The following GABRE variants were observed in gnomAD, a reference collection of about 807,000 sequenced individuals.
GABRE encodes gamma-aminobutyric acid type A receptor subunit epsilon.
In GABRE, 20 loss-of-function variants were observed where a neutral mutation model predicts 31.0. The observed-to-expected ratio is 0.64, with a 90% confidence interval of 0.45 to 0.94. The LOEUF (loss-of-function observed/expected upper bound fraction) is 0.94. Ranked by LOEUF, GABRE falls within the 40% of genes least tolerant of loss-of-function variation. The pLI is 0.00. For synonymous variants in GABRE, 155 were observed against 150.6 expected, an observed-to-expected ratio of 1.03 and a Z score of -0.21; for missense variants, 420 against 410.7, an observed-to-expected ratio of 1.02 and a Z score of -0.20.
rs908244906 is a variant in GABRE, at chrX:151,972,507, C to G, written c.56+2063G>C. 3 of 751,595 alleles carry G rather than the reference C, an allele frequency of 4.0e-6. No individual in the cohort carries two copies. In the South Asian group the frequency reaches 2.1e-4, roughly 52 times the overall value. 61.9% of individuals were successfully genotyped at this position (751,595 alleles called of 1,213,427 possible). On this transcript the variant is annotated intron_variant, in intron 1 of 8. Transcript: ENST00000370328. ...ACTGAGCACTGCCAGACAGGACCAC[C>G]TAAACGCCTGAAGCAGCCCCTCCCA...
chrX:151,965,335 C>T (rs1934496954), intron 3 of GABRE, among the ~76,000 whole-genome samples: 1 of 111,600 alleles, frequency 9.0e-6, no homozygotes, highest in Non-Finnish European at 1.9e-5. Context: ...ATTTGGTCTC[C>T]AGATATTGTC....
chrX:151,958,393 C>T (rs1460319614), intron 6 of GABRE: 2 of 258,817 alleles, frequency 7.7e-6, no homozygotes, highest in African/African-American at 5.8e-5. Flanking sequence ...TGCCCCAGGG[C>T]CCAACTGGAA....
chrX:151,964,280 T>G (rs1934465880), intron 3 of GABRE, among the ~76,000 whole-genome samples: 1 of 111,919 alleles, frequency 8.9e-6, no homozygotes, highest in Non-Finnish European at 1.9e-5. Flanking sequence ...AACTGCCCTG[T>G]TTCCAGAGCT....
chrX:151,960,169 G>T (rs1380734535), intron 5 of GABRE, among the ~76,000 whole-genome samples, 193 bp from the exon 6 acceptor site: 1 of 111,904 alleles, frequency 8.9e-6, no homozygotes, highest in East Asian at 2.8e-4. Flanking sequence ...CTCAGTATCA[G>T]GCCCTAGGCC....
intron 3 of GABRE, among the ~76,000 whole-genome samples, chrX:151,966,751 C>T (rs1011155051): frequency 8.9e-6 from 1 of 112,162 alleles, no homozygotes; most frequent in Non-Finnish European, 1.9e-5. Flanking sequence ...TTTAACACCA[C>T]ATGTGAGGGT....
At position 151,974,656 on chromosome X, in the gene GABRE, G is replaced by A. The variant is rs1307884863; in HGVS notation, c.-31C>T. 1.8e-6 allele frequency: 2 copies of A among 1,104,034 alleles called. No homozygotes were observed. The highest frequency in any genetic ancestry group is 2.0e-5 in the South Asian group (1 of 50,196). The allele number at this position is 1,104,034 out of a possible 1,213,427, so 91.0% of individuals were successfully genotyped here. On this transcript the variant is annotated 5_prime_UTR_variant, in exon 1 of 9. Transcript: ENST00000370328. ...CGGAGACCGGCGCGACCACCTGCGC[G>A]GAGGTCGCGGCTCACGCTCTGGCCG...
intron 4 of GABRE, 130 bp downstream of exon 4, chrX:151,962,293 G>A (rs868760482): frequency 1.8e-6 from 1 of 559,836 alleles, no homozygotes; most frequent in Non-Finnish European, 3.0e-6. Flanking sequence ...CTGAGCTCAT[G>A]GTCTAGGAAA....
intron 1 of GABRE, among the ~76,000 whole-genome samples, chrX:151,973,106 T>TGCG (rs1934767937): frequency 4.5e-5 from 5 of 110,996 alleles, no homozygotes; most frequent in African/African-American, 1.6e-4. Context: ...GAGGAAGGAC[T>TGCG]GTGCCCCAAG....
chrX:151,958,348 G>A (rs778860353), intron 6 of GABRE: 110 of 232,892 alleles, frequency 4.7e-4, no homozygotes, highest in Non-Finnish European at 8.2e-4. Context: ...ACCCTTAATC[G>A]CCGAGCACGT....
intron 3 of GABRE, 69 bp downstream of exon 3, chrX:151,969,600 A>C: frequency 9.7e-7 from 1 of 1,035,434 alleles, no homozygotes; most frequent in Middle Eastern, 2.6e-4. Context: ...CAGAAAGCAG[A>C]AGTCTGTGGA....
At chrX:151,968,826 T>C (rs910216790) in intron 3 of GABRE, among the ~76,000 whole-genome samples, 3 of 112,047 alleles carry the variant, frequency 2.7e-5, no homozygotes, top group African/African-American at 9.7e-5. Flanking sequence ...AATGAAATGA[T>C]GTAGGCAAGA....
intron 1 of GABRE, chrX:151,972,714 G>A: frequency 4.5e-6 from 3 of 669,991 alleles, no homozygotes; most frequent in Non-Finnish European, 5.3e-6. Context: ...GCTTTTGCCA[G>A]TTAAAAAAAA....
Position 151,966,195 on chromosome X carries a change from G to A in GABRE, c.342+3474C>T, listed in dbSNP as rs150129987. ...ACTTTTTCCCCAGTTTGACAAAGGA[G>A]CTTGCGATGTACATCCCTTTTAGCT... On this transcript the variant is annotated intron_variant, in intron 3 of 8. Coordinates refer to ENST00000370328, the MANE Select transcript of GABRE (RefSeq NM_004961.4). 8.2e-3 allele frequency among the ~76,000 whole-genome samples: 918 copies of A among 112,611 alleles called. 12 individuals are homozygous for A. Among genetic ancestry groups the A allele is most frequent in the African/African-American group, 0.029 (886 of 31,025 alleles).
intron 4 of GABRE, among the ~76,000 whole-genome samples, 200 bp from the exon 5 acceptor site, chrX:151,961,565 C>T (rs374314087): frequency 9.0e-5 from 10 of 111,462 alleles, no homozygotes; most frequent in African/African-American, 3.3e-4. Context: ...CTCCCAGGCT[C>T]AAGCAATTCT....
At position 151,954,735 on chromosome X, in the gene GABRE, T is replaced by C; in HGVS notation, c.1487A>G (p.Asn496Ser). Residue 496 changes from asparagine to serine, a missense_variant, in exon 9 of 9, where the codon AAT (asparagine) becomes AGT (serine). Coordinates refer to ENST00000370328, the MANE Select transcript of GABRE (RefSeq NM_004961.4). ...VVFPVTFFFFNVLYWLVCLNL is the reference protein window; with the variant it reads ...VVFPVTFFFFSVLYWLVCLNL ...AAGGCAAACAAGCCAGTAGAGCACA[T>C]TGAAGAAGAAGAAAGTCACTGGGAA... 5.0e-6 allele frequency: 6 copies of C among 1,208,338 alleles called. No homozygotes were observed. Among genetic ancestry groups the C allele is most frequent in the South Asian group, 1.8e-5 (1 of 55,975 alleles).
intron 1 of GABRE, among the ~76,000 whole-genome samples, chrX:151,970,769 C>T (rs1934669817): frequency 8.9e-6 from 1 of 112,478 alleles, no homozygotes; most frequent in African/African-American, 3.2e-5. Flanking sequence ...CCAGCACCAA[C>T]CAGGAGTGAG....
chrX:151,953,582 C>T lies in GABRE; in HGVS notation c.*1119G>A, dbSNP rs1027556389. On this transcript the variant is annotated 3_prime_UTR_variant, in exon 9 of 9. Coordinates refer to ENST00000370328, the MANE Select transcript of GABRE (RefSeq NM_004961.4). ...AAGATGTCACAAGGCTATCATGAAGCTCCAATCAGACACAACTTGTCAAAA... is the reference window on the plus strand; with the variant it reads ...AAGATGTCACAAGGCTATCATGAAGTTCCAATCAGACACAACTTGTCAAAA... 13 of 112,478 alleles carry T rather than the reference C, an allele frequency of 1.2e-4. No individual in the cohort carries two copies. The highest frequency in any genetic ancestry group is 4.2e-4 in the African/African-American group (13 of 30,868). The allele number at this position is 112,478 out of a possible 1,213,427, so 9.3% of individuals were successfully genotyped here.
rs1603090021 is a variant in GABRE, at chrX:151,953,679, C to A, written c.*1022G>T. 1.8e-5 allele frequency: 2 copies of A among 112,158 alleles called. No homozygotes were observed. The highest frequency in any genetic ancestry group is 2.8e-4 in the East Asian group (1 of 3,562). 9.2% of individuals were successfully genotyped at this position (112,158 alleles called of 1,213,427 possible). On this transcript the variant is annotated 3_prime_UTR_variant, in exon 9 of 9. Transcript: ENST00000370328. Reference sequence around the variant, plus strand: ...TTGATTGATTGTGATGGTTAGAGTGCCCCGGGTATAACAGTGGACTGGTTT... The same window carrying A: ...TTGATTGATTGTGATGGTTAGAGTGACCCGGGTATAACAGTGGACTGGTTT...
intron 1 of GABRE, chrX:151,972,615 T>C (rs1934744838): frequency 5.8e-5 from 44 of 753,307 alleles, no homozygotes; most frequent in Non-Finnish European, 6.7e-5. Context: ...CTGAAAGCAC[T>C]GAGACCACCA....
Sources: gnomAD v4.1 joint callset for allele counts (sites outside exome capture counted in the v4.1 genomes callset) on GRCh38, gnomAD v4.1.1 for gene constraint, MANE v1.5 for transcripts, NCBI Gene and HGNC (gene_info 2026-07-23, HGNC 2026-07-21) for gene names.